SIGLEC5: variants seen among roughly 807,000 people sequenced by gnomAD.
SIGLEC5 encodes the protein sialic acid-binding Ig-like lectin 5.
SIGLEC5 carries 34 observed loss-of-function variants against 45.9 expected under a neutral mutation model. That is an observed-to-expected ratio of 0.74 (90% CI 0.56 to 0.99). The LOEUF is 0.99. Ranked by LOEUF, SIGLEC5 falls within the 50% of genes least tolerant of loss-of-function variation. The pLI is 0.00. For missense variants in SIGLEC5, 508 were observed against 629.6 expected, an observed-to-expected ratio of 0.81 and a Z score of 2.07; for synonymous variants, 203 against 258.6, an observed-to-expected ratio of 0.79 and a Z score of 2.06.
Position 51,627,149 on chromosome 19 carries a change from A to C in SIGLEC5, c.1382T>G (p.Ile461Arg). 1 of 1,612,830 alleles carries C rather than the reference A, an allele frequency of 6.2e-7. No individual in the cohort carries two copies. ...TACCTTCCCTGGGACCAAGACTTAC[A>C]TTAAAAAGAAGATGAGGCACAGACA... Reference protein sequence around the residue: ...CICLCLIFFLIVKARRKQAAG... With the variant: ...CICLCLIFFLRVKARRKQAAG... Residue 461 changes from isoleucine to arginine, a missense_variant and splice_region_variant, in exon 7 of 9, where the codon ATA becomes AGA. Coordinates refer to ENST00000683636, the MANE Select transcript of SIGLEC5 (RefSeq NM_003830.4).
Position 51,628,082 on chromosome 19 carries a change from A to G in SIGLEC5, c.749T>C (p.Ile250Thr). The change falls in exon 5 of 9, where the codon ATC becomes ACC. Residue 250 changes from isoleucine to threonine, a missense_variant. This residue lies in a region of SIGLEC5 where 431 missense variants were observed against 428.8 expected (regional missense o/e 1.01). Transcript: ENST00000683636. The part of the protein sequence containing the change: ...TIFRNGIALE[I>T]LQNTSYLPVL... The stretch of plus-strand genomic sequence containing the variant: ...CGGAAGGTATGAGGTGTTTTGCAGG[A>G]TCTCTAGGGCTTTGGGGAGAGAAGG... The G allele has an allele frequency of 6.5e-7, 1 of 1,539,138 alleles. No individual in the cohort carries two copies. Among genetic ancestry groups the G allele is most frequent in the African/African-American group, 1.4e-5 (1 of 72,478 alleles).
chr19:51,625,512 G>A (rs745860588), intron 8 of SIGLEC5, among the ~76,000 whole-genome samples: 34 of 152,282 alleles, frequency 2.2e-4, no homozygotes, highest in South Asian at 6.2e-4. Flanking sequence ...GATGAGCAAA[G>A]GACAAGTTAG....
At position 51,618,346 on chromosome 19, in the gene SIGLEC5, T is replaced by C. The variant is rs1489493469; in HGVS notation, c.1465-5924A>G. Among the ~76,000 whole-genome samples, 3 of 145,392 alleles carry C rather than the reference T, an allele frequency of 2.1e-5. No individual in the cohort carries two copies. The East Asian group carries it at 6.0e-4, about 29-fold the overall frequency. On this transcript the variant is annotated intron_variant, in intron 8 of 8. Coordinates refer to ENST00000683636, the MANE Select transcript of SIGLEC5 (RefSeq NM_003830.4). ...GGGAGGATGGGAGAAAATGAAAAAG[T>C]ATCAGGCATCTAACTAATCAATAAG...
rs576171428 is a variant in SIGLEC5, at chr19:51,611,484, T to G, written c.*747A>C. 6.6e-6 allele frequency among the ~76,000 whole-genome samples: 1 copy of G among 152,296 alleles called. No homozygotes were observed. The highest frequency in any genetic ancestry group is 2.1e-4 in the South Asian group (1 of 4,824). The stretch of plus-strand genomic sequence containing the variant: ...CAAGAGGAAAGTATAAATGAATAGA[T>G]AGCAGGGAGATCATGAAGGACTTTA... On this transcript the variant is annotated 3_prime_UTR_variant, in exon 9 of 9. Transcript: ENST00000683636.
intron 8 of SIGLEC5, chr19:51,621,678 A>G (rs1272253249): frequency 1.3e-5 from 2 of 152,270 alleles, no homozygotes; most frequent in East Asian, 1.9e-4. Context: ...CTGAAAAAGA[A>G]GAGATCAGCA....
In SIGLEC5 at chr19:51,626,053, G is replaced by A; in HGVS notation, c.1443C>T (p.Pro481=). 3 of 1,613,854 alleles carry A rather than the reference G, an allele frequency of 1.9e-6. No individual in the cohort carries two copies. Among genetic ancestry groups the A allele is most frequent in the Non-Finnish European group, 1.7e-6 (2 of 1,179,924 alleles). ...TCACCGAGGTGATGGTACCCATAAT[G>A]GGGTCTTCATCATCCATTTTCTCTG... is the stretch of plus-strand genomic sequence containing the variant. The part of the protein sequence containing the change: ...GRPEKMDDED[P]IMGTITSGSR... The change falls in exon 8 of 9, where the codon CCC becomes CCT. Residue 481 remains proline, a synonymous_variant. Coordinates refer to ENST00000683636, the MANE Select transcript of SIGLEC5 (RefSeq NM_003830.4).
chr19:51,617,361 G>C (rs946661867), intron 8 of SIGLEC5, among the ~76,000 whole-genome samples: 1 of 151,960 alleles, frequency 6.6e-6, no homozygotes, highest in Non-Finnish European at 1.5e-5. Context: ...GGCCCCACGA[G>C]TGCAAGAAAA....
chr19:51,614,274 G>A (rs183459066), intron 8 of SIGLEC5, among the ~76,000 whole-genome samples: 24 of 152,282 alleles, frequency 1.6e-4, no homozygotes, highest in Middle Eastern at 3.4e-3. Flanking sequence ...TTCCTGAGTA[G>A]CTGAGACCAC....
intron 7 of SIGLEC5, among the ~76,000 whole-genome samples, chr19:51,626,364 T>A (rs759190244): frequency 6.6e-6 from 1 of 152,064 alleles, no homozygotes. Flanking sequence ...GCAGGAATGG[T>A]CATAGCAGTG....
chr19:51,611,640 G>T lies in SIGLEC5; in HGVS notation c.*591C>A, dbSNP rs1982854123. On this transcript the variant is annotated 3_prime_UTR_variant, in exon 9 of 9. Transcript: ENST00000683636. ...CTATGGGTCTCATAAATGAAGGACTGGAGCCAAAGGAATATGATGCAAGGA... is the reference window on the plus strand; with the variant it reads ...CTATGGGTCTCATAAATGAAGGACTTGAGCCAAAGGAATATGATGCAAGGA... Among the ~76,000 whole-genome samples the T allele has an allele frequency of 6.6e-6, 1 of 152,308 alleles. No homozygotes were observed.
chr19:51,626,675 G>A (rs1441471958), intron 7 of SIGLEC5, among the ~76,000 whole-genome samples: 6 of 152,098 alleles, frequency 3.9e-5, no homozygotes, highest in African/African-American at 1.4e-4. Flanking sequence ...AGGAGTGATA[G>A]CTAAGGGGTG....
In SIGLEC5 at chr19:51,612,290, G is replaced by A. The variant is rs1360265618; in HGVS notation, c.1597C>T (p.Pro533Ser). 1 of 1,612,582 alleles carries A rather than the reference G, an allele frequency of 6.2e-7. No homozygotes were observed. Among genetic ancestry groups the A allele is most frequent in the Admixed American group, 1.7e-5 (1 of 59,922 alleles). ...GTGCTTGGGGCCTCCTGGTCCTTAG[G>A]CTCCCTCGACTTCATCTCAGAAAAA... ...LSFSEMKSRE[P>S]KDQEAPSTTE... The change falls in exon 9 of 9, where the codon CCT (proline) becomes TCT (serine). Residue 533 changes from proline to serine, a missense_variant. Around this residue, in one of 2 missense-constraint regions of SIGLEC5, gnomAD observed 431 missense variants for 428.8 expected, o/e 1.01. Transcript: ENST00000683636.
intron 8 of SIGLEC5, among the ~76,000 whole-genome samples, chr19:51,620,669 A>G (rs999849617): frequency 4.6e-5 from 7 of 152,228 alleles, no homozygotes; most frequent in African/African-American, 9.7e-5. Flanking sequence ...GTAGCAAAAG[A>G]TGCCCATGGT....
In SIGLEC5 at chr19:51,618,462, A is replaced by AC. The variant is rs1209045363; in HGVS notation, c.1465-6041_1465-6040insG. ...CCTGCCTAAAAAAAAAAAAAAAAAA[A>AC]AAAAAACATCCAGTCGAACAGACTT... On this transcript the variant is annotated intron_variant, in intron 8 of 8. Coordinates refer to ENST00000683636, the MANE Select transcript of SIGLEC5 (RefSeq NM_003830.4). 4.0e-5 allele frequency among the ~76,000 whole-genome samples: 6 copies of AC among 150,274 alleles called. No homozygotes were observed. The East Asian group carries it at 1.2e-3, about 29-fold the overall frequency.
chr19:51,628,067 G>A lies in SIGLEC5; in HGVS notation c.764C>T (p.Ser255Leu). 6.4e-7 allele frequency: 1 copy of A among 1,557,748 alleles called. No individual in the cohort carries two copies. The highest frequency in any genetic ancestry group is 8.7e-7 in the Non-Finnish European group (1 of 1,152,296). ...GIALEILQNT[S>L]YLPVLEGQAL... ...CTGGCCCTCCAGGACCGGAAGGTAT[G>A]AGGTGTTTTGCAGGATCTCTAGGGC... Residue 255 changes from serine (S) to leucine (L), a missense_variant, in exon 5 of 9, where the codon TCA (serine) becomes TTA (leucine). Transcript: ENST00000683636.
In SIGLEC5 at chr19:51,614,893, T is replaced by C. The variant is rs558365415; in HGVS notation, c.1465-2471A>G. Among the ~76,000 whole-genome samples the C allele has an allele frequency of 7.2e-5, 11 of 152,328 alleles. No individual in the cohort carries two copies. In the East Asian group the frequency reaches 2.1e-3, roughly 29 times the overall value. On this transcript the variant is annotated intron_variant, in intron 8 of 8. Coordinates refer to ENST00000683636, the MANE Select transcript of SIGLEC5 (RefSeq NM_003830.4). Reference sequence around the variant, plus strand: ...GTGAGCTCCCTGTGAGCTTGCCACTTTACTAAGCACTCCTTGTAACAATCC... The same window carrying C: ...GTGAGCTCCCTGTGAGCTTGCCACTCTACTAAGCACTCCTTGTAACAATCC...
intron 8 of SIGLEC5, among the ~76,000 whole-genome samples, chr19:51,616,701 C>T (rs1014187887): frequency 3.3e-5 from 5 of 151,760 alleles, no homozygotes; most frequent in Non-Finnish European, 7.4e-5. Flanking sequence ...CACTTGAGGT[C>T]AGGAGTTCAA....
intron 8 of SIGLEC5, among the ~76,000 whole-genome samples, chr19:51,618,311 A>G (rs1009789699): frequency 6.6e-6 from 1 of 151,972 alleles, no homozygotes; most frequent in African/African-American, 2.4e-5. Flanking sequence ...GCATAAATAC[A>G]TAAAATGTTG....
In SIGLEC5 at chr19:51,627,149, A is replaced by G. The variant is rs754724794; in HGVS notation, c.1382T>C (p.Ile461Thr). Residue 461 changes from isoleucine (I) to threonine (T), a missense_variant and splice_region_variant, in exon 7 of 9, where the codon ATA becomes ACA. Transcript: ENST00000683636. ...TACCTTCCCTGGGACCAAGACTTAC[A>G]TTAAAAAGAAGATGAGGCACAGACA... ...CICLCLIFFL[I>T]VKARRKQAAG... 5 of 1,612,830 alleles carry G rather than the reference A, an allele frequency of 3.1e-6. No homozygotes were observed. The Admixed American group carries it at 6.7e-5, about 22-fold the overall frequency.
Sources: gnomAD v4.1 joint callset for allele counts (sites outside exome capture counted in the v4.1 genomes callset) on GRCh38, gnomAD v4.1.1 for gene constraint, gnomAD v4.1.1 regional missense constraint, MANE v1.5 for transcripts, NCBI Gene and HGNC (gene_info 2026-07-23, HGNC 2026-07-21) for gene names.